Variants in ZNF777 observed in about 807,000 individuals in gnomAD.
ZNF777 encodes zinc finger protein 777.
Under a neutral mutation model 72.1 loss-of-function variants are expected in ZNF777, and 7 were observed. The ratio of observed to expected loss-of-function variants is 0.10; its 90% confidence interval spans 0.06 to 0.18. The LOEUF (loss-of-function observed/expected upper bound fraction) is 0.18. Among genes scored for constraint, ZNF777 ranks in the 10% least tolerant of loss-of-function variants. The probability of loss-of-function intolerance (pLI) is 1.00; values close to 1 mark genes in which losing one functional copy is unlikely to be tolerated. For missense variants in ZNF777, 828 were observed against 1,128.6 expected (o/e 0.73, Z 3.82); for synonymous variants, 545 against 483.5 (o/e 1.13, Z -1.67).
Position 149,431,920 on chromosome 7 carries a change from G to C in ZNF777, c.2352C>G (p.Gly784=). ...GERPYHCAEC[G]KRFTQKHHLL... ...GGTGATGCTTCTGCGTGAAGCGCTT[G>C]CCGCACTCGGCGCAGTGGTAGGGCC... Residue 784 remains glycine, a synonymous_variant, in exon 6 of 6, where the codon GGC becomes GGG. Transcript: ENST00000247930. 2 of 1,609,642 alleles carry C rather than the reference G, an allele frequency of 1.2e-6. No homozygotes were observed. Among genetic ancestry groups the C allele is most frequent in the Non-Finnish European group, 8.5e-7 (1 of 1,179,450 alleles).
chr7:149,431,601 G>A lies in ZNF777; in HGVS notation c.*175C>T, dbSNP rs1430457846. 2.9e-6 allele frequency: 2 copies of A among 679,386 alleles called. No individual in the cohort carries two copies. Among genetic ancestry groups the A allele is most frequent in the African/African-American group, 1.9e-5 (1 of 53,092 alleles). 42.1% of individuals were successfully genotyped at this position (679,386 alleles called of 1,614,324 possible). ...GGCCCCCGGGGAAACGCGGCAGCAA[G>A]GGACCTGGTCTCACTGCCCCCATGT... On this transcript the variant is annotated 3_prime_UTR_variant, in exon 6 of 6. Coordinates refer to ENST00000247930, the MANE Select transcript of ZNF777 (RefSeq NM_015694.3).
chr7:149,433,366 G>A (rs940573258), intron 5 of ZNF777, among the ~76,000 whole-genome samples: 2 of 152,164 alleles, frequency 1.3e-5, no homozygotes, highest in Non-Finnish European at 2.9e-5. Context: ...AATTATATGA[G>A]CGATACACAC....
chr7:149,448,307 GA>G (rs964867954), intron 4 of ZNF777, among the ~76,000 whole-genome samples: 7 of 150,836 alleles, frequency 4.6e-5, no homozygotes, highest in African/African-American at 7.3e-5. Flanking sequence ...CTCTACTAAA[GA>G]AAAGTAAAAA....
intron 1 of ZNF777, 129 bp from the exon 2 acceptor site, chr7:149,456,166 G>A (rs1034578131): frequency 2.1e-6 from 2 of 969,256 alleles, no homozygotes; most frequent in Middle Eastern, 3.4e-4. Flanking sequence ...CCCCTCATAT[G>A]TGAATCTCTT....
intron 4 of ZNF777, among the ~76,000 whole-genome samples, chr7:149,437,562 G>C (rs1405465007): frequency 6.6e-6 from 1 of 152,090 alleles, no homozygotes; most frequent in Non-Finnish European, 1.5e-5. Flanking sequence ...CTTGCCTATA[G>C]GTCTGTAGAT....
intron 1 of ZNF777, chr7:149,459,718 C>T (rs1450281133): frequency 3.0e-6 from 3 of 984,990 alleles, no homozygotes; most frequent in Non-Finnish European, 3.6e-6. Context: ...TCAGTGTCTC[C>T]GTTCTGCGAA....
rs751313261 is a variant in ZNF777, at chr7:149,432,211, C to A, written c.2061G>T (p.Ala687=). The A allele has an allele frequency of 1.2e-6, 2 of 1,606,200 alleles. No homozygotes were observed. Among genetic ancestry groups the A allele is most frequent in the South Asian group, 2.2e-5 (2 of 91,052 alleles). ...AGATGAAGGAGACCTCATGCTTGCC[C>A]GCGTGCACGCGCTGATGGATCACCA... ...ISLVIHQRVH[A]GKHEVSFICS... Residue 687 remains alanine (A), a synonymous_variant, in exon 6 of 6, where the codon GCG becomes GCT. Coordinates refer to ENST00000247930, the MANE Select transcript of ZNF777 (RefSeq NM_015694.3).
At position 149,431,946 on chromosome 7, in the gene ZNF777, G is replaced by T. The variant is rs1448067032; in HGVS notation, c.2326C>A (p.Arg776=). Residue 776 remains arginine (R), a synonymous_variant, in exon 6 of 6, where the codon CGG becomes AGG. Coordinates refer to ENST00000247930, the MANE Select transcript of ZNF777 (RefSeq NM_015694.3). ...CCGCACTCGGCGCAGTGGTAGGGCC[G>T]CTCGCCTGTGTGGATGCGCCGGTGT... is the stretch of plus-strand genomic sequence containing the variant. ...LEHRRIHTGE[R]PYHCAECGKR... is the part of the protein sequence containing the mutation. 1.3e-5 allele frequency: 21 copies of T among 1,610,180 alleles called. No individual in the cohort carries two copies. The highest frequency in any genetic ancestry group is 1.6e-5 in the Non-Finnish European group (19 of 1,179,334).
At chr7:149,449,442 G>T (rs570367526) in intron 4 of ZNF777, among the ~76,000 whole-genome samples, 1 of 152,188 alleles carries the variant, frequency 6.6e-6, no homozygotes, top group East Asian at 1.9e-4. Context: ...ATGAGGCAGG[G>T]AAAAGCAGAC....
At chr7:149,443,301 T>A (rs1218150833) in intron 4 of ZNF777, among the ~76,000 whole-genome samples, 1 of 152,216 alleles carries the variant, frequency 6.6e-6, no homozygotes, top group Non-Finnish European at 1.5e-5. Flanking sequence ...TATTGTCTGA[T>A]TTTTTTACAA....
In ZNF777 at chr7:149,454,240, G is replaced by A; in HGVS notation, c.847-3C>T. ...ACATCATCAAATGTGACAGGGACCT[G>A]AAACCACACAATAACTCGGCTCAGA... On this transcript the variant is annotated splice_region_variant and splice_polypyrimidine_tract_variant and intron_variant, in intron 2 of 5. Coordinates refer to ENST00000247930, the MANE Select transcript of ZNF777 (RefSeq NM_015694.3). 1 of 1,614,018 alleles carries A rather than the reference G, an allele frequency of 6.2e-7. No individual in the cohort carries two copies. The highest frequency in any genetic ancestry group is 8.5e-7 in the Non-Finnish European group (1 of 1,179,986).
At chr7:149,438,652 AAG>A (rs1799459334) in intron 4 of ZNF777, among the ~76,000 whole-genome samples, 1 of 152,200 alleles carries the variant, frequency 6.6e-6, no homozygotes. Context: ...CTGTGAGAAA[AAG>A]AGAAAAGAAG....
intron 1 of ZNF777, chr7:149,459,685 G>T (rs1799906429): frequency 1.0e-6 from 1 of 985,072 alleles, no homozygotes; most frequent in Non-Finnish European, 1.2e-6. Context: ...CGGCAGGGCG[G>T]GTCGCCGCCA....
At chr7:149,438,125 C>T (rs979916769) in intron 4 of ZNF777, among the ~76,000 whole-genome samples, 4 of 151,946 alleles carry the variant, frequency 2.6e-5, no homozygotes, top group Non-Finnish European at 4.4e-5. Flanking sequence ...GTGATCCGCC[C>T]GCCTCAGCCT....
intron 1 of ZNF777, 117 bp from the exon 2 acceptor site, chr7:149,456,154 T>C: frequency 1.8e-6 from 2 of 1,110,606 alleles, no homozygotes; most frequent in East Asian, 5.1e-5. Context: ...CAATAATATG[T>C]GCCCCTCATA....
At chr7:149,456,248 C>T (rs546883048) in intron 1 of ZNF777, among the ~76,000 whole-genome samples, 5 of 152,128 alleles carry the variant, frequency 3.3e-5, no homozygotes, top group Non-Finnish European at 7.3e-5. Context: ...GATGATTATG[C>T]TACCTTTTGT....
In ZNF777 at chr7:149,432,708, C is replaced by T. The variant is rs201911619; in HGVS notation, c.1564G>A (p.Gly522Ser). Residue 522 changes from glycine (G) to serine (S), a missense_variant, in exon 6 of 6, where the codon GGT becomes AGT. Gly to Ser is a moderately conservative substitution (Grantham distance 56). This residue lies in a region of ZNF777 where 219 missense variants were observed against 223.0 expected (regional missense o/e 0.98). Transcript: ENST00000247930. ...AVKRLAPSVH[G>S]ERHLSENRGA... ...CGGTTCTCGCTCAGGTGCCGCTCAC[C>T]GTGCACGGAGGGCGCCAGCCTTTTC... 83 of 1,612,506 alleles carry T rather than the reference C, an allele frequency of 5.1e-5. No individual in the cohort carries two copies. Among genetic ancestry groups the T allele is most frequent in the Non-Finnish European group, 6.9e-5 (81 of 1,179,314 alleles).
At chr7:149,459,859 G>A (rs1471856935) in intron 1 of ZNF777, 1 of 984,196 alleles carries the variant, frequency 1.0e-6, no homozygotes, top group African/African-American at 1.8e-5. Context: ...GCGCCTCCGG[G>A]CGCCCCACCT....
At chr7:149,448,135 TAGGTCA>T (rs1687553980) in intron 4 of ZNF777, among the ~76,000 whole-genome samples, 1 of 152,126 alleles carries the variant, frequency 6.6e-6, no homozygotes, top group Admixed American at 6.5e-5. Flanking sequence ...AGTAAATTAT[TAGGTCA>T]AATGTAAGAA....
Sources: allele counts gnomAD v4.1 joint callset (sites outside exome capture counted in the v4.1 genomes callset), GRCh38; gene constraint gnomAD v4.1.1; regional missense constraint gnomAD v4.1.1; transcripts MANE v1.5; gene names NCBI Gene and HGNC (gene_info 2026-07-23, HGNC 2026-07-21).